Variants in ZSWIM8 observed in about 807,000 individuals in gnomAD.
The protein encoded by ZSWIM8 is zinc finger SWIM-type containing 8, also known as zinc finger SWIM domain-containing protein 8.
Under a neutral mutation model 173.7 loss-of-function variants are expected in ZSWIM8, and 27 were observed. The ratio of observed to expected loss-of-function variants is 0.16; its 90% CI spans 0.11 to 0.21. The LOEUF (loss-of-function observed/expected upper bound fraction) is 0.21, where lower values mean the gene tolerates loss of function less well. ZSWIM8 is among the 10% of genes least tolerant of loss of function. The pLI is 1.00. For synonymous variants in ZSWIM8, 958 were observed against 962.0 expected (o/e 1.00, Z 0.08); for missense variants, 1,627 against 2,428.8 (o/e 0.67, Z 6.94).
In ZSWIM8 at chr10:73,800,713, C is replaced by A; in HGVS notation, c.5076C>A (p.Pro1692=). ...DHPNNFSRSP[P]YTDDVKWLLG... ...CCAACAACTTCTCCCGCTCCCCCCC[C>A]TACACTGATGATGTCAAATGGTTGC... The change falls in exon 24 of 26, where the codon CCC becomes CCA. Residue 1692 remains proline (P), a synonymous_variant. Transcript: ENST00000604729. The surrounding 1 kb of genome is among the most constrained non-coding windows in gnomAD (Gnocchi z 4.1). 1 of 1,613,774 alleles carries A rather than the reference C, an allele frequency of 6.2e-7. No homozygotes were observed.
Position 73,797,428 on chromosome 10 carries a change from C to T in ZSWIM8, c.3485C>T (p.Pro1162Leu). Residue 1162 changes from proline (P) to leucine (L), a missense_variant, in exon 18 of 26, where the codon CCC (proline) becomes CTC (leucine). Around this residue, in one of 18 missense-constraint regions of ZSWIM8, gnomAD observed 72 missense variants for 98.4 expected, o/e 0.73. Coordinates refer to ENST00000604729, the MANE Select transcript of ZSWIM8 (RefSeq NM_001367799.1). The surrounding 1 kb of genome is among the most constrained non-coding windows in gnomAD (Gnocchi z 5.6). ...CCTGAAACAACATCGGATAGTTCCC[C>T]CACCTTAAGCCGGAGACCACTTCGA... ...SAPETTSDSS[P>L]TLSRRPLRGG... The T allele has an allele frequency of 6.2e-7, 1 of 1,613,926 alleles. No individual in the cohort carries two copies. Among genetic ancestry groups the T allele is most frequent in the Non-Finnish European group, 8.5e-7 (1 of 1,179,842 alleles).
At chr10:73,793,841 C>G in intron 11 of ZSWIM8, 24 bp from the exon 12 acceptor site, 1 of 1,592,116 alleles carries the variant, frequency 6.3e-7, no homozygotes, top group Non-Finnish European at 8.5e-7. Context: ...ATCTGCCTGT[C>G]TCCTGTGTTT....
intron 1 of ZSWIM8, chr10:73,786,367 C>G (rs1295384676): frequency 1.3e-5 from 5 of 380,706 alleles, no homozygotes; most frequent in Non-Finnish European, 2.3e-5. Context: ...CGTGCGCGCG[C>G]TGTGACAGGG....
Position 73,800,676 on chromosome 10 carries a change from A to C in ZSWIM8, c.5039A>C (p.His1680Pro). Residue 1680 changes from histidine to proline, a missense_variant, in exon 24 of 26, where the codon CAC becomes CCC. Physicochemically the swap from His to Pro is moderately conservative, Grantham distance 77. This residue lies in a region of ZSWIM8 where 30 missense variants were observed against 20.9 expected (regional missense o/e 1.44). Coordinates refer to ENST00000604729, the MANE Select transcript of ZSWIM8 (RefSeq NM_001367799.1). The surrounding 1 kb of genome is among the most constrained non-coding windows in gnomAD (Gnocchi z 4.1). ...CTGGAGATGCTGGGTCGCCGGGCACACAACGATCACCCCAACAACTTCTCC... is the reference window on the plus strand; with the variant it reads ...CTGGAGATGCTGGGTCGCCGGGCACCCAACGATCACCCCAACAACTTCTCC... ...LALEMLGRRAHNDHPNNFSRS... is the reference protein window; with the variant it reads ...LALEMLGRRAPNDHPNNFSRS... 1 of 1,613,730 alleles carries C rather than the reference A, an allele frequency of 6.2e-7. No individual in the cohort carries two copies. Among genetic ancestry groups the C allele is most frequent in the Non-Finnish European group, 8.5e-7 (1 of 1,179,772 alleles).
In ZSWIM8 at chr10:73,800,348, G is replaced by A. The variant is rs1565089306; in HGVS notation, c.4878G>A (p.Leu1626=). 3.1e-6 allele frequency: 5 copies of A among 1,613,778 alleles called. No homozygotes were observed. In the East Asian group the frequency reaches 6.7e-5, roughly 22 times the overall value. Residue 1626 remains leucine (L), a synonymous_variant, in exon 23 of 26, where the codon CTG becomes CTA. Transcript: ENST00000604729. The surrounding 1 kb of genome is among the most constrained non-coding windows in gnomAD (Gnocchi z 4.1). Reference sequence around the variant, plus strand: ...TTCCAGCCATCCAAGGTGCCTCACTGCCTGCCCTGACCACACAGCCCAGCC... The same window carrying A: ...TTCCAGCCATCCAAGGTGCCTCACTACCTGCCCTGACCACACAGCCCAGCC... ...STFPAIQGAS[L]PALTTQPSPL...
Position 73,800,601 on chromosome 10 carries a change from A to G in ZSWIM8, c.5003-39A>G. On this transcript the variant is annotated intron_variant, in intron 23 of 25. Coordinates refer to ENST00000604729, the MANE Select transcript of ZSWIM8 (RefSeq NM_001367799.1). The surrounding 1 kb of genome is among the most constrained non-coding windows in gnomAD (Gnocchi z 4.1). ...CAGGTTGGGGTAAAGGGTGAAGAGGATACACCGTACCATGTGCCCACCCTT... is the reference window on the plus strand; with the variant it reads ...CAGGTTGGGGTAAAGGGTGAAGAGGGTACACCGTACCATGTGCCCACCCTT... 6.2e-7 allele frequency: 1 copy of G among 1,610,536 alleles called. No individual in the cohort carries two copies. The highest frequency in any genetic ancestry group is 8.5e-7 in the Non-Finnish European group (1 of 1,178,044).
At chr10:73,790,082 G>C in intron 6 of ZSWIM8, 45 bp downstream of exon 6, 1 of 1,609,802 alleles carries the variant, frequency 6.2e-7, no homozygotes, top group South Asian at 1.1e-5. Context: ...AAGCCAGCTT[G>C]TAGTACAGAG....
intron 7 of ZSWIM8, 50 bp from the exon 8 acceptor site, chr10:73,790,925 C>G: frequency 6.6e-7 from 1 of 1,520,256 alleles, no homozygotes; most frequent in East Asian, 2.3e-5. Context: ...TTTTAGGTTT[C>G]ATTCAGCCCC....
chr10:73,800,963 T>C lies in ZSWIM8; in HGVS notation c.5123-54T>C. On this transcript the variant is annotated intron_variant, in intron 24 of 25. Transcript: ENST00000604729. The surrounding 1 kb of genome is among the most constrained non-coding windows in gnomAD (Gnocchi z 4.1). Reference sequence around the variant, plus strand: ...CCAGAGCTGAGATCTGTAAGTTGGGTCCCTAGGGCAGAGGTGGCCACCCCC... The same window carrying C: ...CCAGAGCTGAGATCTGTAAGTTGGGCCCCTAGGGCAGAGGTGGCCACCCCC... 6.7e-7 allele frequency: 1 copy of C among 1,484,242 alleles called. No individual in the cohort carries two copies. The highest frequency in any genetic ancestry group is 9.1e-7 in the Non-Finnish European group (1 of 1,098,842). 91.9% of individuals were successfully genotyped at this position (1,484,242 alleles called of 1,614,324 possible).
In ZSWIM8 at chr10:73,792,530, C is replaced by A. The variant is rs574077271; in HGVS notation, c.1991C>A (p.Pro664Gln). 4 of 1,614,020 alleles carry A rather than the reference C, an allele frequency of 2.5e-6. No individual in the cohort carries two copies. The Admixed American group carries it at 6.7e-5, about 27-fold the overall frequency. The part of the protein sequence containing the change: ...RGPSTFLPEP[P>Q]DTYEEDGGVY... Reference sequence around the variant, plus strand: ...CCTTCCACTTTCCTTCCTGAGCCCCCAGATACTTATGAAGAAGATGGTGGT... The same window carrying A: ...CCTTCCACTTTCCTTCCTGAGCCCCAAGATACTTATGAAGAAGATGGTGGT... Residue 664 changes from proline to glutamine, a missense_variant, in exon 10 of 26, where the codon CCA becomes CAA. By Grantham distance (76) the Pro-to-Gln change is moderately conservative. Transcript: ENST00000604729. The surrounding 1 kb of genome is among the most constrained non-coding windows in gnomAD (Gnocchi z 4.3).
rs2083530705 is a variant in ZSWIM8 at position 73,794,350 on chromosome 10, A to G, written c.2809+20A>G. The G allele has an allele frequency of 3.7e-6, 6 of 1,610,874 alleles. No individual in the cohort carries two copies. Among genetic ancestry groups the G allele is most frequent in the Non-Finnish European group, 5.1e-6 (6 of 1,178,076 alleles). ...CTCCAGGTATGATGCCTGACCCTAC[A>G]GTAAGTGGGGAACTGGGGTAGGGGT... On this transcript the variant is annotated intron_variant, in intron 13 of 25. Transcript: ENST00000604729.
In ZSWIM8 at chr10:73,796,916, A is replaced by G. The variant is rs749168776; in HGVS notation, c.3176A>G (p.Gln1059Arg). 1.2e-6 allele frequency: 2 copies of G among 1,614,070 alleles called. No homozygotes were observed. Among genetic ancestry groups the G allele is most frequent in the Non-Finnish European group, 1.7e-6 (2 of 1,179,904 alleles). Residue 1059 changes from glutamine to arginine, a missense_variant, in exon 16 of 26, where the codon CAA becomes CGA. Gln to Arg is a conservative substitution (Grantham distance 43). This residue lies in a region of ZSWIM8 where 163 missense variants were observed against 193.2 expected (regional missense o/e 0.84). Transcript: ENST00000604729. Reference sequence around the variant, plus strand: ...GGCCCATCTGCCCCAGGGGCCCTGCAACCACTGACCTCAGGCTCTGCAGGG... The same window carrying G: ...GGCCCATCTGCCCCAGGGGCCCTGCGACCACTGACCTCAGGCTCTGCAGGG... ...HGGPSAPGALQPLTSGSAGPA... is the reference protein window; with the variant it reads ...HGGPSAPGALRPLTSGSAGPA...
In ZSWIM8 at chr10:73,789,852, A is replaced by G. The variant is rs1470134775; in HGVS notation, c.738+28A>G. On this transcript the variant is annotated intron_variant, in intron 5 of 25. Coordinates refer to ENST00000604729, the MANE Select transcript of ZSWIM8 (RefSeq NM_001367799.1). The surrounding 1 kb of genome is among the most constrained non-coding windows in gnomAD (Gnocchi z 6.8). ...GGGTGAGGTCGGCACCCCCTCCTGC[A>G]ATTAGCTCCGGGCCAGGCCGCATAA... The G allele has an allele frequency of 9.4e-6, 15 of 1,588,736 alleles. No homozygotes were observed. Among genetic ancestry groups the G allele is most frequent in the Middle Eastern group, 1.7e-4 (1 of 6,036 alleles).
In ZSWIM8 at chr10:73,797,020, G is replaced by T. The variant is rs777480289; in HGVS notation, c.3274+6G>T. The T allele has an allele frequency of 8.1e-6, 13 of 1,609,624 alleles. No homozygotes were observed. In the South Asian group the frequency reaches 1.4e-4, roughly 18 times the overall value. On this transcript the variant is annotated splice_donor_region_variant and intron_variant, in intron 16 of 25. Coordinates refer to ENST00000604729, the MANE Select transcript of ZSWIM8 (RefSeq NM_001367799.1). This position sits in a 1 kb window ranked among gnomAD's most constrained non-coding sequence, Gnocchi z 5.6. ...CACAGAGAAGAATGTGCCTGGTGAG[G>T]TGGGGGCACTGGGCAGGGGGGATGA... is the stretch of plus-strand genomic sequence containing the variant.
chr10:73,797,262 A>C lies in ZSWIM8; in HGVS notation c.3424A>C (p.Lys1142Gln), dbSNP rs530158022. The C allele has an allele frequency of 4.3e-6, 7 of 1,613,930 alleles. No individual in the cohort carries two copies. Among genetic ancestry groups the C allele is most frequent in the Admixed American group, 1.7e-5 (1 of 60,026 alleles). ...GWGSPGRPKK[K>Q]HTGMASIDSS... is the part of the protein sequence containing the mutation. ...GGGGTCCCCAGGACGGCCTAAGAAG[A>C]AGCACACAGGTAGGATAGCCTGTGG... Residue 1142 changes from lysine (K) to glutamine (Q), a missense_variant, in exon 17 of 26, where the codon AAG (lysine) becomes CAG (glutamine). Physicochemically the swap from Lys to Gln is moderately conservative, Grantham distance 53. Transcript: ENST00000604729. The surrounding 1 kb of genome is among the most constrained non-coding windows in gnomAD (Gnocchi z 5.6).
In ZSWIM8 at chr10:73,789,579, C is replaced by T. The variant is rs1249701657; in HGVS notation, c.630+40C>T. 6 of 1,597,728 alleles carry T rather than the reference C, an allele frequency of 3.8e-6. No homozygotes were observed. Among genetic ancestry groups the T allele is most frequent in the South Asian group, 1.1e-5 (1 of 88,432 alleles). ...ATTTATCCCGGCCCTATCCTACACT[C>T]CATCCCCCCCTTCTCTGCTGCATGC... On this transcript the variant is annotated intron_variant, in intron 4 of 25. Coordinates refer to ENST00000604729, the MANE Select transcript of ZSWIM8 (RefSeq NM_001367799.1). This position sits in a 1 kb window ranked among gnomAD's most constrained non-coding sequence, Gnocchi z 6.8.
rs779604904 is a variant in ZSWIM8, at chr10:73,799,426, C to T, written c.4601C>T (p.Ala1534Val). 6.2e-7 allele frequency: 1 copy of T among 1,608,790 alleles called. No individual in the cohort carries two copies. The highest frequency in any genetic ancestry group is 1.7e-5 in the Admixed American group (1 of 59,446). ...PQYLTHPAHP[A>V]HPMPHMPRPA... is the part of the protein sequence containing the mutation. ...TATCTCACTCACCCAGCTCACCCTG[C>T]CCACCCCATGCCTCACATGCCCCGG... Residue 1534 changes from alanine (A) to valine (V), a missense_variant, in exon 21 of 26, where the codon GCC becomes GTC. By Grantham distance (64) the Ala-to-Val change is moderately conservative. This residue lies in a region of ZSWIM8 where 275 missense variants were observed against 290.1 expected (regional missense o/e 0.95). Transcript: ENST00000604729.
At chr10:73,795,462 G>C in intron 14 of ZSWIM8, 77 bp from the exon 15 acceptor site, 1 of 1,586,396 alleles carries the variant, frequency 6.3e-7, no homozygotes, top group Non-Finnish European at 8.6e-7. Context: ...TGATGGCTTG[G>C]GAACCCTGGC....
In ZSWIM8 at chr10:73,789,150, G is replaced by A. The variant is rs1389266314; in HGVS notation, c.417G>A (p.Gln139=). 5.0e-6 allele frequency: 8 copies of A among 1,614,044 alleles called. No homozygotes were observed. The highest frequency in any genetic ancestry group is 6.8e-6 in the Non-Finnish European group (8 of 1,179,882). ...CGGATGAGTTTCAGCGAGGGGATCA[G>A]CTCTTCCGCATGCGGGCTGTGAAGG... ...GSADEFQRGD[Q]LFRMRAVKDP... The change falls in exon 3 of 26, where the codon CAG becomes CAA. Residue 139 remains glutamine, a synonymous_variant. Coordinates refer to ENST00000604729, the MANE Select transcript of ZSWIM8 (RefSeq NM_001367799.1). This position sits in a 1 kb window ranked among gnomAD's most constrained non-coding sequence, Gnocchi z 6.8.
Sources: gnomAD v4.1 joint callset for allele counts on GRCh38, gnomAD v4.1.1 for gene constraint, gnomAD v4.1.1 regional missense constraint, Gnocchi (gnomAD v3.1) non-coding constraint, MANE v1.5 for transcripts, NCBI Gene and HGNC (gene_info 2026-07-23, HGNC 2026-07-21) for gene names.